DENND5A: variants seen among roughly 807,000 people sequenced by gnomAD.
The protein encoded by DENND5A is DENN domain containing 5A.
A neutral mutation model predicts 140.3 loss-of-function variants in DENND5A; 64 were observed. The ratio of observed to expected loss-of-function variants is 0.46; its 90% CI spans 0.37 to 0.56. The LOEUF (loss-of-function observed/expected upper bound fraction) is 0.56, where lower values mean the gene tolerates loss of function less well. Among genes scored for constraint, DENND5A ranks in the 20% least tolerant of loss-of-function variants. DENND5A has a pLI of 0.00. For missense variants in DENND5A, 1,292 were observed against 1,593.8 expected, an observed-to-expected ratio of 0.81 and a Z score of 3.22; for synonymous variants, 605 against 607.7, an observed-to-expected ratio of 1.00 and a Z score of 0.07.
At chr11:9,142,281 C>T (rs1013978960) in intron 21 of DENND5A, among the ~76,000 whole-genome samples, 173 bp from the exon 22 acceptor site, 2 of 152,148 alleles carry the variant, frequency 1.3e-5, no homozygotes, top group Admixed American at 1.3e-4. Context: ...CTTCCCTATC[C>T]TTATTTTTTA....
At chr11:9,174,126 A>G (rs1367567151) in intron 8 of DENND5A, among the ~76,000 whole-genome samples, 12 of 148,802 alleles carry the variant, frequency 8.1e-5, no homozygotes, top group South Asian at 6.3e-4. Context: ...AAAAAAAAAA[A>G]AAAGAAAAAA....
At chr11:9,219,280 C>A (rs1015083984) in intron 1 of DENND5A, among the ~76,000 whole-genome samples, 4 of 151,810 alleles carry the variant, frequency 2.6e-5, no homozygotes, top group Admixed American at 6.6e-5. Context: ...TTTCAGAATG[C>A]CAGGGACAAT....
In DENND5A at chr11:9,193,294, A is replaced by T. The variant is rs561036885; in HGVS notation, c.1137+200T>A. Among the ~76,000 whole-genome samples the T allele has an allele frequency of 4.6e-5, 7 of 152,352 alleles. No homozygotes were observed. In the East Asian group the frequency reaches 1.2e-3, roughly 25 times the overall value. ...AATTACAATGTACATATGTCAGTTG[A>T]TAAAGATAATAAGTGTCTCTGGGAT... On this transcript the variant is annotated intron_variant, in intron 5 of 22. Coordinates refer to ENST00000328194, the MANE Select transcript of DENND5A (RefSeq NM_015213.4).
At chr11:9,241,793 T>C (rs929941926) in intron 1 of DENND5A, among the ~76,000 whole-genome samples, 1 of 152,070 alleles carries the variant, frequency 6.6e-6, no homozygotes. Flanking sequence ...GGCGGGCGGA[T>C]CACCTGAGGT....
intron 13 of DENND5A, among the ~76,000 whole-genome samples, chr11:9,151,779 T>G (rs1377184239): frequency 6.6e-6 from 1 of 152,170 alleles, no homozygotes; most frequent in Non-Finnish European, 1.5e-5. Flanking sequence ...TTCCATGAGC[T>G]CACTTTGTGA....
chr11:9,179,132 A>AT, intron 6 of DENND5A, 59 bp from the exon 7 acceptor site: 2 of 1,461,328 alleles, frequency 1.4e-6, no homozygotes, highest in African/African-American at 1.4e-5. Context: ...AACCCAAGGA[A>AT]TGCAATTCCT....
intron 1 of DENND5A, among the ~76,000 whole-genome samples, chr11:9,218,916 G>C (rs1378802218): frequency 4.6e-5 from 7 of 151,958 alleles, no homozygotes; most frequent in African/African-American, 1.7e-4. Flanking sequence ...TGAGGCAGGA[G>C]AATCGCTTGA....
intron 12 of DENND5A, among the ~76,000 whole-genome samples, chr11:9,156,169 C>T (rs531883226): frequency 6.6e-6 from 1 of 152,054 alleles, no homozygotes; most frequent in African/African-American, 2.4e-5. Flanking sequence ...GTGTTAGGAA[C>T]CCAACATAGA....
At chr11:9,141,802 G>C in intron 22 of DENND5A, 138 bp downstream of exon 22, 1 of 669,350 alleles carries the variant, frequency 1.5e-6, no homozygotes, top group Non-Finnish European at 2.3e-6. Context: ...GGAAATTCAG[G>C]GCTTCTAGGA....
chr11:9,230,024 CCTCCCGAGTAGCTGGGTGGGA>C (rs1850700545), intron 1 of DENND5A, among the ~76,000 whole-genome samples: 1 of 149,696 alleles, frequency 6.7e-6, no homozygotes. Context: ...CCTGCCTCAG[CCTCCCGAGTAGCTGGGTGGGA>C]CTACAGGCGC....
rs190382573 is a variant in DENND5A, at chr11:9,222,343, A to C, written c.110-14711T>G. ...CCTCAATACTATTATTATACCTAGA[A>C]AAATTTGACCAAAAAAATCCTAATG... On this transcript the variant is annotated intron_variant, in intron 1 of 22. Transcript: ENST00000328194. 1.8e-3 allele frequency among the ~76,000 whole-genome samples: 272 copies of C among 152,278 alleles called. 1 individual carries two copies. The highest frequency in any genetic ancestry group is 5.6e-3 in the African/African-American group (232 of 41,572).
intron 1 of DENND5A, among the ~76,000 whole-genome samples, chr11:9,238,528 T>C (rs1851098464): frequency 6.6e-6 from 1 of 151,382 alleles, no homozygotes; most frequent in Non-Finnish European, 1.5e-5. Context: ...GCCATTCTCC[T>C]GCATCAGCTT....
chr11:9,226,251 T>C (rs929254132), intron 1 of DENND5A, among the ~76,000 whole-genome samples: 1 of 152,258 alleles, frequency 6.6e-6, no homozygotes, highest in African/African-American at 2.4e-5. Context: ...GTGGTAATTC[T>C]ATGATTCCTC....
At chr11:9,262,910 T>G (rs1852268698) in intron 1 of DENND5A, among the ~76,000 whole-genome samples, 1 of 150,356 alleles carries the variant, frequency 6.7e-6, no homozygotes, top group South Asian at 2.1e-4. Flanking sequence ...CCCGGCTAAT[T>G]TTTTGTATTT....
chr11:9,190,443 T>C (rs768316722), intron 5 of DENND5A, among the ~76,000 whole-genome samples: 23 of 152,168 alleles, frequency 1.5e-4, no homozygotes, highest in Non-Finnish European at 3.4e-4. Flanking sequence ...TGATAGTGAA[T>C]AAGTCTCACA....
At chr11:9,253,488 C>T (rs1412874542) in intron 1 of DENND5A, among the ~76,000 whole-genome samples, 2 of 152,074 alleles carry the variant, frequency 1.3e-5, no homozygotes, top group African/African-American at 4.8e-5. Context: ...CTCAGCCAGG[C>T]ATGGTGGTTC....
intron 1 of DENND5A, among the ~76,000 whole-genome samples, chr11:9,246,222 A>G (rs1445048334): frequency 6.6e-6 from 1 of 152,196 alleles, no homozygotes; most frequent in East Asian, 1.9e-4. Flanking sequence ...CTTTCCCCAC[A>G]CAAACTAAGG....
intron 12 of DENND5A, among the ~76,000 whole-genome samples, chr11:9,159,321 CTTTTTTTTTTT>C (rs59379591): frequency 7.3e-6 from 1 of 136,840 alleles, no homozygotes; most frequent in Admixed American, 7.4e-5. Flanking sequence ...ACTTTTTTTT[CTTTTTTTTTTT>C]TTTTTGAGAC....
At chr11:9,223,618 C>T (rs1231594966) in intron 1 of DENND5A, among the ~76,000 whole-genome samples, 1 of 151,842 alleles carries the variant, frequency 6.6e-6, no homozygotes, top group Non-Finnish European at 1.5e-5. Flanking sequence ...ACTTGGGAGG[C>T]TGAGGTGGGA....
Sources: gnomAD v4.1 joint callset for allele counts (sites outside exome capture counted in the v4.1 genomes callset) on GRCh38, gnomAD v4.1.1 for gene constraint, MANE v1.5 for transcripts, NCBI Gene and HGNC (gene_info 2026-07-23, HGNC 2026-07-21) for gene names.